Variants in FAM171B observed in about 807,000 individuals in gnomAD.
FAM171B encodes the protein family with sequence similarity 171 member B, also known as protein FAM171B.
Under a neutral mutation model 75.6 loss-of-function variants are expected in FAM171B, and 19 were observed. The observed-to-expected ratio is 0.25, with a 90% CI of 0.18 to 0.37. The LOEUF is 0.37. Ranked by LOEUF, FAM171B falls within the 10% of genes least tolerant of loss-of-function variation. The pLI is 1.00. For synonymous variants in FAM171B, 367 were observed against 361.7 expected, an observed-to-expected ratio of 1.01 and a Z score of -0.17; for missense variants, 848 against 982.4, an observed-to-expected ratio of 0.86 and a Z score of 1.83.
At chr2:186,709,623 C>T (rs892744645) in intron 1 of FAM171B, among the ~76,000 whole-genome samples, 3 of 152,150 alleles carry the variant, frequency 2.0e-5, no homozygotes, top group African/African-American at 4.8e-5. Flanking sequence ...CTGAACATGT[C>T]AATCCTCCAC....
At chr2:186,725,304 A>G (rs903004298) in intron 1 of FAM171B, among the ~76,000 whole-genome samples, 4 of 151,068 alleles carry the variant, frequency 2.6e-5, no homozygotes, top group Admixed American at 1.3e-4. Context: ...AGACCACGCC[A>G]CTGCACTCCA....
intron 1 of FAM171B, among the ~76,000 whole-genome samples, chr2:186,715,663 A>G (rs144462145): frequency 1.4e-4 from 21 of 152,334 alleles, no homozygotes; most frequent in African/African-American, 4.8e-4. Flanking sequence ...TGATTTCCCA[A>G]CAATTTACTA....
intron 4 of FAM171B, among the ~76,000 whole-genome samples, chr2:186,747,814 T>G (rs1485503790): frequency 6.6e-6 from 1 of 152,216 alleles, no homozygotes; most frequent in Non-Finnish European, 1.5e-5. Flanking sequence ...TCTATAAGGC[T>G]GTCATAATAT....
At chr2:186,754,636 A>G (rs576510518) in intron 6 of FAM171B, among the ~76,000 whole-genome samples, 43 of 152,196 alleles carry the variant, frequency 2.8e-4, no homozygotes, top group African/African-American at 1.0e-3. Context: ...TCTCAAGCAC[A>G]CATGTTACTT....
intron 1 of FAM171B, among the ~76,000 whole-genome samples, chr2:186,721,594 C>T (rs1689954995): frequency 6.6e-6 from 1 of 152,120 alleles, no homozygotes; most frequent in Admixed American, 6.5e-5. Flanking sequence ...TCTTGCTTAA[C>T]ATTGTTAGCC....
chr2:186,712,957 T>C (rs573333072), intron 1 of FAM171B, among the ~76,000 whole-genome samples: 2 of 152,348 alleles, frequency 1.3e-5, no homozygotes, highest in African/African-American at 4.8e-5. Context: ...TATTCAGTCT[T>C]CAATAATTAT....
intron 1 of FAM171B, among the ~76,000 whole-genome samples, chr2:186,732,494 A>G (rs1041630233): frequency 3.9e-5 from 6 of 152,216 alleles, no homozygotes; most frequent in African/African-American, 1.4e-4. Context: ...GGTGTAAGGC[A>G]GAGAGACACC....
intron 6 of FAM171B, 35 bp downstream of exon 6, chr2:186,754,084 ATT>A: frequency 6.8e-7 from 1 of 1,476,040 alleles, no homozygotes; most frequent in Non-Finnish European, 9.3e-7. Flanking sequence ...AAAACATGTA[ATT>A]CAAATAGTCT....
At chr2:186,708,180 G>A (rs1267227792) in intron 1 of FAM171B, among the ~76,000 whole-genome samples, 2 of 152,140 alleles carry the variant, frequency 1.3e-5, no homozygotes, top group Non-Finnish European at 2.9e-5. Flanking sequence ...CTTATGTAGG[G>A]AAAAGGCTGT....
chr2:186,735,605 C>T (rs376341018), intron 1 of FAM171B, among the ~76,000 whole-genome samples: 1 of 152,116 alleles, frequency 6.6e-6, no homozygotes, highest in Non-Finnish European at 1.5e-5. Flanking sequence ...CTAAATGTCT[C>T]TCAATGCTAG....
chr2:186,710,130 G>A (rs930628757), intron 1 of FAM171B, among the ~76,000 whole-genome samples: 2 of 152,130 alleles, frequency 1.3e-5, no homozygotes, highest in African/African-American at 2.4e-5. Flanking sequence ...TGCAGTTTTT[G>A]CATTTTTAAA....
intron 1 of FAM171B, among the ~76,000 whole-genome samples, chr2:186,713,035 A>C (rs1689829982): frequency 6.6e-6 from 1 of 152,256 alleles, no homozygotes; most frequent in Non-Finnish European, 1.5e-5. Flanking sequence ...GCTTTTTGGT[A>C]CTTAAAAAAA....
intron 1 of FAM171B, among the ~76,000 whole-genome samples, chr2:186,694,879 C>A (rs1476635579): frequency 6.6e-6 from 1 of 152,030 alleles, no homozygotes; most frequent in Non-Finnish European, 1.5e-5. Flanking sequence ...CCCACACACC[C>A]CTTTTCACCA....
intron 7 of FAM171B, 46 bp downstream of exon 7, chr2:186,761,282 C>T: frequency 1.2e-6 from 2 of 1,604,270 alleles, no homozygotes; most frequent in Non-Finnish European, 1.7e-6. Flanking sequence ...GTTATGGTAT[C>T]ATTTCAGTAT....
chr2:186,753,901 C>T (rs1212754685), intron 5 of FAM171B, 32 bp from the exon 6 acceptor site: 8 of 1,530,902 alleles, frequency 5.2e-6, no homozygotes, highest in Non-Finnish European at 7.2e-6. Flanking sequence ...TAAGATATAA[C>T]TGTAACAAGT....
intron 1 of FAM171B, among the ~76,000 whole-genome samples, chr2:186,739,653 C>T (rs560725557): frequency 3.3e-5 from 5 of 152,244 alleles, no homozygotes; most frequent in African/African-American, 1.2e-4. Flanking sequence ...TGTCATCTCC[C>T]AAGATAACAA....
At chr2:186,739,334 A>AACCTTAGCTTACTATAAGTTC (rs1690252739) in intron 1 of FAM171B, among the ~76,000 whole-genome samples, 2 of 152,218 alleles carry the variant, frequency 1.3e-5, no homozygotes, top group South Asian at 4.1e-4. Flanking sequence ...TCAATAAGTT[A>AACCTTAGCTTACTATAAGTTC]ACCTTAGCTT....
In FAM171B at chr2:186,764,716, A is replaced by G. The variant is rs917293613; in HGVS notation, c.*1893A>G. ...AAACAGATGTGCAGTTTTATTAAAAATATAGACCTAGTGTTTCATGTTGGA... is the reference window on the plus strand; with the variant it reads ...AAACAGATGTGCAGTTTTATTAAAAGTATAGACCTAGTGTTTCATGTTGGA... On this transcript the variant is annotated 3_prime_UTR_variant, in exon 8 of 8. Coordinates refer to ENST00000304698, the MANE Select transcript of FAM171B (RefSeq NM_177454.4). The G allele has an allele frequency of 2.1e-4, 32 of 152,034 alleles. No individual in the cohort carries two copies. Among genetic ancestry groups the G allele is most frequent in the African/African-American group, 7.5e-4 (31 of 41,558 alleles). The allele number at this position is 152,034 out of a possible 1,614,324, so 9.4% of individuals were successfully genotyped here.
chr2:186,720,700 C>CAAAAAAAAAA (rs71411184), intron 1 of FAM171B, among the ~76,000 whole-genome samples: 4 of 110,240 alleles, frequency 3.6e-5, no homozygotes, highest in Admixed American at 9.9e-5. Flanking sequence ...AGATCATGTA[C>CAAAAAAAAAA]AAAAAAAAAA....
Sources: allele counts gnomAD v4.1 joint callset (sites outside exome capture counted in the v4.1 genomes callset), GRCh38; gene constraint gnomAD v4.1.1; transcripts MANE v1.5; gene names NCBI Gene and HGNC (gene_info 2026-07-23, HGNC 2026-07-21).